THSD4: variants seen among roughly 807,000 people sequenced by gnomAD.
THSD4 encodes the protein thrombospondin type 1 domain containing 4.
In THSD4, 69 loss-of-function variants were observed where a neutral mutation model predicts 119.0. The ratio of observed to expected loss-of-function variants is 0.58; its 90% confidence interval spans 0.48 to 0.71. THSD4 has a LOEUF of 0.71. Ranked by LOEUF, THSD4 falls within the 30% of genes least tolerant of loss-of-function variation. The pLI, the probability that THSD4 is intolerant of heterozygous loss-of-function variation, is 0.00. For synonymous variants in THSD4, 524 were observed against 540.4 expected (o/e 0.97, Z 0.42); for missense variants, 1,393 against 1,391.1 (o/e 1.00, Z -0.02).
chr15:71,382,701 T>C (rs2046243504), intron 6 of THSD4, among the ~76,000 whole-genome samples: 1 of 152,172 alleles, frequency 6.6e-6, no homozygotes, highest in Non-Finnish European at 1.5e-5. Flanking sequence ...TTTAAACTAT[T>C]AACTTTAATT....
chr15:71,704,972 CA>C (rs1355145315), intron 8 of THSD4, among the ~76,000 whole-genome samples: 1 of 152,136 alleles, frequency 6.6e-6, no homozygotes, highest in Non-Finnish European at 1.5e-5. Context: ...GCCTTCAAAT[CA>C]GAGAGAAACC....
intron 7 of THSD4, among the ~76,000 whole-genome samples, chr15:71,532,331 T>TGA (rs1399088001): frequency 5.4e-5 from 8 of 146,838 alleles, no homozygotes; most frequent in African/African-American, 1.5e-4. Context: ...TGTGTGTGTG[T>TGA]GATGGAGTCT....
At chr15:71,762,239 C>T (rs914297169) in intron 15 of THSD4, among the ~76,000 whole-genome samples, 17 of 152,256 alleles carry the variant, frequency 1.1e-4, no homozygotes, top group African/African-American at 4.1e-4. Context: ...CATATTCTGC[C>T]ATTTCTGAGC....
intron 7 of THSD4, among the ~76,000 whole-genome samples, chr15:71,433,928 G>A (rs963602285): frequency 2.6e-5 from 4 of 152,076 alleles, no homozygotes; most frequent in African/African-American, 9.7e-5. Flanking sequence ...GAACTTTGGG[G>A]AACCCCATTA....
At chr15:71,357,752 G>A (rs1293352899) in intron 6 of THSD4, among the ~76,000 whole-genome samples, 1 of 152,214 alleles carries the variant, frequency 6.6e-6, no homozygotes, top group African/African-American at 2.4e-5. Flanking sequence ...AAAGGAAAGA[G>A]AGTGAGAAAA....
At chr15:71,341,136 T>G in intron 6 of THSD4, 1 of 1,360,820 alleles carries the variant, frequency 7.3e-7, no homozygotes, top group Non-Finnish European at 1.0e-6. Context: ...TCCTTTTAAT[T>G]ACATTTATTT....
At chr15:71,757,290 G>C (rs1279893478) in intron 14 of THSD4, among the ~76,000 whole-genome samples, 1 of 152,028 alleles carries the variant, frequency 6.6e-6, no homozygotes, top group Non-Finnish European at 1.5e-5. Flanking sequence ...GGAACAATTT[G>C]CCTTAATATC....
At chr15:71,750,508 C>T (rs1263471377) in intron 14 of THSD4, among the ~76,000 whole-genome samples, 1 of 152,230 alleles carries the variant, frequency 6.6e-6, no homozygotes, top group East Asian at 1.9e-4. Flanking sequence ...GCAAATGCAG[C>T]CTTCACTCCA....
intron 6 of THSD4, among the ~76,000 whole-genome samples, chr15:71,304,548 TCC>T (rs2140341412): frequency 6.6e-6 from 1 of 152,280 alleles, no homozygotes; most frequent in African/African-American, 2.4e-5. Context: ...CAAATTCTTT[TCC>T]TCCTTTCTTG....
chr15:71,758,026 A>G lies in THSD4; in HGVS notation c.2540A>G (p.Asn847Ser), dbSNP rs1595923227. The G allele has an allele frequency of 1.9e-6, 3 of 1,611,332 alleles. No homozygotes were observed. Among genetic ancestry groups the G allele is most frequent in the Non-Finnish European group, 1.7e-6 (2 of 1,178,784 alleles). Reference sequence around the variant, plus strand: ...CCGGCAGAGGCCACCCCATGTGACAACGGACCCTGCACGGGCAAGGTGGAG... The same window carrying G: ...CCGGCAGAGGCCACCCCATGTGACAGCGGACCCTGCACGGGCAAGGTGGAG... The part of the protein sequence containing the change: ...NRPAEATPCD[N>S]GPCTGKVEWF... The change falls in exon 15 of 18, where the codon AAC (asparagine) becomes AGC (serine). Residue 847 changes from asparagine (N) to serine (S), a missense_variant. Coordinates refer to ENST00000261862, the MANE Select transcript of THSD4 (RefSeq NM_024817.3).
intron 7 of THSD4, among the ~76,000 whole-genome samples, chr15:71,577,238 TCAGTGC>T (rs2049466575): frequency 6.6e-6 from 1 of 152,238 alleles, no homozygotes; most frequent in Non-Finnish European, 1.5e-5. Context: ...TTTCTCTCGA[TCAGTGC>T]CAGGACATCA....
At chr15:71,355,666 G>T (rs1566952323) in intron 6 of THSD4, among the ~76,000 whole-genome samples, 1 of 152,108 alleles carries the variant, frequency 6.6e-6, no homozygotes, top group Non-Finnish European at 1.5e-5. Flanking sequence ...CTGCTCAGCG[G>T]AGAACATGTT....
chr15:71,771,895 C>G (rs1160387410), intron 17 of THSD4, among the ~76,000 whole-genome samples: 2 of 152,126 alleles, frequency 1.3e-5, no homozygotes, highest in Admixed American at 1.3e-4. Context: ...GGGGCCCATC[C>G]CAGCAGGGGA....
Position 71,238,342 on chromosome 15 carries a change from A to G in THSD4, c.465-4307A>G, listed in dbSNP as rs538530472. On this transcript the variant is annotated intron_variant, in intron 4 of 17. Coordinates refer to ENST00000261862, the MANE Select transcript of THSD4 (RefSeq NM_024817.3). ...TAACTTACATACCGTAAAAATCACC[A>G]TTTAAAAATACTATGTAACTCAATA... Among the ~76,000 whole-genome samples, 4 of 152,346 alleles carry G rather than the reference A, an allele frequency of 2.6e-5. No homozygotes were observed. In the South Asian group the frequency reaches 6.2e-4, roughly 24 times the overall value.
intron 6 of THSD4, among the ~76,000 whole-genome samples, chr15:71,267,770 A>G (rs531922990): frequency 6.6e-6 from 1 of 152,358 alleles, no homozygotes; most frequent in East Asian, 1.9e-4. Flanking sequence ...AGGAATATTT[A>G]CCAAGCAAAT....
intron 6 of THSD4, among the ~76,000 whole-genome samples, chr15:71,273,858 A>T (rs2044560774): frequency 6.6e-6 from 1 of 152,192 alleles, no homozygotes; most frequent in Admixed American, 6.5e-5. Flanking sequence ...TATCAGGAGG[A>T]TATCCAATAG....
In THSD4 at chr15:71,558,860, G is replaced by A. The variant is rs556869503; in HGVS notation, c.1153-101670G>A. ...TATATTTTTAAGTATGGAGGGTTTC[G>A]GTGTTTTTTTAAATTTGAAATTAAT... On this transcript the variant is annotated intron_variant, in intron 7 of 17. Transcript: ENST00000261862. Among the ~76,000 whole-genome samples, 14 of 152,044 alleles carry A rather than the reference G, an allele frequency of 9.2e-5. No homozygotes were observed. In the South Asian group the frequency reaches 1.7e-3, roughly 18 times the overall value.
At chr15:71,139,960 A>G (rs904976052) in intron 1 of THSD4, among the ~76,000 whole-genome samples, 6 of 152,226 alleles carry the variant, frequency 3.9e-5, no homozygotes, top group African/African-American at 7.2e-5. Flanking sequence ...CAACCCGCCC[A>G]TCCTGGGCTT....
intron 1 of THSD4, among the ~76,000 whole-genome samples, chr15:71,135,894 C>G (rs868077535): frequency 6.6e-6 from 1 of 151,964 alleles, no homozygotes; most frequent in Non-Finnish European, 1.5e-5. Context: ...ATTGGATCCC[C>G]GGTCCTGTCC....
Sources: allele counts gnomAD v4.1 joint callset (sites outside exome capture counted in the v4.1 genomes callset), GRCh38; gene constraint gnomAD v4.1.1; transcripts MANE v1.5; gene names NCBI Gene and HGNC (gene_info 2026-07-23, HGNC 2026-07-21).